ABCA13: variants seen among roughly 807,000 people sequenced by gnomAD.
ABCA13 encodes ATP binding cassette subfamily A member 13.
Under a neutral mutation model 478.7 loss-of-function variants are expected in ABCA13, and 476 were observed. That is an observed-to-expected ratio of 0.99 (90% CI 0.92 to 1.07). The LOEUF (loss-of-function observed/expected upper bound fraction) is 1.07, where lower values mean the gene tolerates loss of function less well. Among genes scored for constraint, ABCA13 ranks in the 50% least tolerant of loss-of-function variants. The probability of loss-of-function intolerance (pLI) is 0.00; values close to 1 mark genes in which losing one functional copy is unlikely to be tolerated. For synonymous variants in ABCA13, 2,252 were observed against 2,158.9 expected, an observed-to-expected ratio of 1.04 and a Z score of -1.20; for missense variants, 6,060 against 5,910.6, an observed-to-expected ratio of 1.03 and a Z score of -0.83.
chr7:48,311,728 A>G (rs1801813062), intron 24 of ABCA13, among the ~76,000 whole-genome samples: 1 of 152,222 alleles, frequency 6.6e-6, no homozygotes, highest in Non-Finnish European at 1.5e-5. Context: ...GAAGGGCTCT[A>G]TGAAAGTTGA....
chr7:48,485,021 TAATGTATGGTTC>T (rs1829148919), intron 47 of ABCA13, among the ~76,000 whole-genome samples: 1 of 152,236 alleles, frequency 6.6e-6, no homozygotes, highest in Non-Finnish European at 1.5e-5. Context: ...TGAATAGGCT[TAATGTATGGTTC>T]AATATCTTGT....
intron 42 of ABCA13, among the ~76,000 whole-genome samples, chr7:48,449,801 C>T (rs940671595): frequency 6.6e-6 from 1 of 152,214 alleles, no homozygotes; most frequent in Non-Finnish European, 1.5e-5. Flanking sequence ...AAATAGTCCT[C>T]ATACCATTTC....
At chr7:48,621,859 G>A (rs557784159) in intron 59 of ABCA13, among the ~76,000 whole-genome samples, 2 of 152,234 alleles carry the variant, frequency 1.3e-5, no homozygotes, top group East Asian at 3.9e-4. Context: ...GCTGGTTTGG[G>A]ACCTCATCAT....
At chr7:48,453,235 A>ATT (rs33949393) in intron 42 of ABCA13, among the ~76,000 whole-genome samples, 22,912 of 145,188 alleles carry the variant, frequency 0.16, 2,217 homozygotes, top group East Asian at 0.22. Flanking sequence ...GGAGATTGGG[A>ATT]TTTTTTTTTT....
intron 31 of ABCA13, among the ~76,000 whole-genome samples, chr7:48,363,677 T>C (rs1479233075): frequency 6.6e-6 from 1 of 152,144 alleles, no homozygotes; most frequent in African/African-American, 2.4e-5. Context: ...CATCCCTTAC[T>C]GTATTTTGTG....
At chr7:48,483,508 T>C (rs1240470032) in intron 47 of ABCA13, among the ~76,000 whole-genome samples, 1 of 152,238 alleles carries the variant, frequency 6.6e-6, no homozygotes, top group African/African-American at 2.4e-5. Context: ...TGAATGTAAA[T>C]GCCTTATCTT....
chr7:48,643,621 A>T (rs962481531), intron 60 of ABCA13, among the ~76,000 whole-genome samples: 19 of 152,224 alleles, frequency 1.2e-4, no homozygotes, highest in African/African-American at 4.6e-4. Flanking sequence ...TGGATTGGCC[A>T]GAGCAGCCTG....
intron 27 of ABCA13, among the ~76,000 whole-genome samples, chr7:48,328,942 G>A (rs1402477553): frequency 6.6e-6 from 1 of 152,120 alleles, no homozygotes; most frequent in Non-Finnish European, 1.5e-5. Context: ...GAGTGTATTC[G>A]TGTGAAGTCT....
intron 42 of ABCA13, among the ~76,000 whole-genome samples, chr7:48,431,086 T>G (rs1305376543): frequency 6.6e-6 from 1 of 152,244 alleles, no homozygotes; most frequent in African/African-American, 2.4e-5. Flanking sequence ...TCTTTTGATT[T>G]CTTTCATTTC....
chr7:48,237,599 C>T (rs950553283), intron 8 of ABCA13, among the ~76,000 whole-genome samples: 2 of 152,238 alleles, frequency 1.3e-5, no homozygotes, highest in African/African-American at 4.8e-5. Context: ...CTGCATCAGC[C>T]TGTGAGCCTA....
chr7:48,264,340 C>A (rs1009995397), intron 15 of ABCA13, among the ~76,000 whole-genome samples: 1 of 151,792 alleles, frequency 6.6e-6, no homozygotes, highest in Non-Finnish European at 1.5e-5. Context: ...GTATGCTTAG[C>A]CTTTTACAAA....
chr7:48,185,773 T>C (rs1485499657), intron 1 of ABCA13, among the ~76,000 whole-genome samples: 1 of 152,140 alleles, frequency 6.6e-6, no homozygotes. Flanking sequence ...GAGGTAGGTA[T>C]TGGATTCTCC....
chr7:48,274,934 C>T lies in ABCA13; in HGVS notation c.5268C>T (p.Leu1756=). 6.2e-7 allele frequency: 1 copy of T among 1,613,800 alleles called. No individual in the cohort carries two copies. The highest frequency in any genetic ancestry group is 1.3e-5 in the African/African-American group (1 of 75,012). The change falls in exon 17 of 62, where the codon CTC becomes CTT. Residue 1756 remains leucine, a synonymous_variant. Transcript: ENST00000435803. The part of the protein sequence containing the change: ...VYYVLPHAVR[L]LQGVPGKNIT... ...ATGTGCTTCCTCATGCTGTAAGGCT[C>T]CTGCAGGGAGTACCTGGTAAAAACA...
intron 40 of ABCA13, among the ~76,000 whole-genome samples, chr7:48,410,985 TTCTTTCTTTC>T (rs1448670925): frequency 3.3e-5 from 2 of 60,186 alleles, no homozygotes; most frequent in Non-Finnish European, 6.9e-5. Flanking sequence ...TTCTCTTTCT[TTCTTTCTTTC>T]TTTCTTTCTT....
At chr7:48,249,373 C>G (rs1462327277) in intron 15 of ABCA13, 22 bp downstream of exon 15, 1 of 1,610,228 alleles carries the variant, frequency 6.2e-7, no homozygotes, top group Admixed American at 1.7e-5. Flanking sequence ...GCCTAAACTA[C>G]AGGAATGGGG....
intron 40 of ABCA13, 61 bp from the exon 41 acceptor site, chr7:48,412,292 T>C: frequency 3.1e-6 from 4 of 1,276,610 alleles, no homozygotes; most frequent in Non-Finnish European, 4.3e-6. Flanking sequence ...ATGAAATCAA[T>C]TGATGTATAT....
chr7:48,585,941 A>G (rs2131388292), intron 56 of ABCA13, among the ~76,000 whole-genome samples: 1 of 152,342 alleles, frequency 6.6e-6, no homozygotes, highest in African/African-American at 2.4e-5. Context: ...ATAGAACTGG[A>G]AACAGAAAAT....
intron 42 of ABCA13, among the ~76,000 whole-genome samples, chr7:48,437,212 G>A (rs1213778602): frequency 6.6e-6 from 1 of 151,886 alleles, no homozygotes; most frequent in Admixed American, 6.6e-5. Context: ...GGGTATCTAT[G>A]CATCTCTAAT....
Position 48,274,207 on chromosome 7 carries a change from C to A in ABCA13, c.4541C>A (p.Ala1514Glu), listed in dbSNP as rs117812446. 1 of 1,612,538 alleles carries A rather than the reference C, an allele frequency of 6.2e-7. No individual in the cohort carries two copies. Among genetic ancestry groups the A allele is most frequent in the Admixed American group, 1.7e-5 (1 of 59,818 alleles). Residue 1514 changes from alanine to glutamate, a missense_variant, in exon 17 of 62, where the codon GCA becomes GAA. Around this residue, in one of 3 missense-constraint regions of ABCA13, gnomAD observed 4,423 missense variants for 4,309.1 expected, o/e 1.03. Coordinates refer to ENST00000435803, the MANE Select transcript of ABCA13 (RefSeq NM_152701.5). Reference sequence around the variant, plus strand: ...AACTTAACAACAGACTTTGATTTTGCATCTCAGTCCAATTGGAGATATTTT... The same window carrying A: ...AACTTAACAACAGACTTTGATTTTGAATCTCAGTCCAATTGGAGATATTTT... ...INNLTTDFDF[A>E]SQSNWRYFTE...
Sources: gnomAD v4.1 joint callset for allele counts (sites outside exome capture counted in the v4.1 genomes callset) on GRCh38, gnomAD v4.1.1 for gene constraint, gnomAD v4.1.1 regional missense constraint, MANE v1.5 for transcripts, NCBI Gene and HGNC (gene_info 2026-07-23, HGNC 2026-07-21) for gene names.